Variants in GPR157 observed in about 807,000 individuals in gnomAD.
The protein encoded by GPR157 is G protein-coupled receptor 157, also known as G-protein coupled receptor 157.
GPR157 carries 16 observed loss-of-function variants against 23.5 expected under a neutral mutation model. That is an observed-to-expected ratio of 0.68 (90% CI 0.46 to 1.04). The LOEUF is 1.04. Ranked by LOEUF, GPR157 falls within the 50% of genes least tolerant of loss-of-function variation. GPR157 has a pLI of 0.00. For synonymous variants in GPR157, 200 were observed against 221.5 expected (o/e 0.90, Z 0.86); for missense variants, 440 against 460.7 (o/e 0.96, Z 0.41).
chr1:9,117,200 A>G (rs1036398009), intron 1 of GPR157, among the ~76,000 whole-genome samples: 3 of 152,128 alleles, frequency 2.0e-5, no homozygotes, highest in African/African-American at 7.2e-5. Flanking sequence ...CAGCTCACAA[A>G]ATTCCCTAAA....
At chr1:9,119,188 A>G (rs1324756047) in intron 1 of GPR157, among the ~76,000 whole-genome samples, 4 of 152,016 alleles carry the variant, frequency 2.6e-5, no homozygotes, top group Admixed American at 2.6e-4. Context: ...ATCCACCATT[A>G]CACCCAGCTA....
chr1:9,105,283 C>G lies in GPR157; in HGVS notation c.792+203G>C, dbSNP rs1310345658. 2.6e-5 allele frequency among the ~76,000 whole-genome samples: 4 copies of G among 152,140 alleles called. No homozygotes were observed. Among genetic ancestry groups the G allele is most frequent in the Non-Finnish European group, 4.4e-5 (3 of 68,026 alleles). On this transcript the variant is annotated intron_variant, in intron 3 of 3. Transcript: ENST00000377411. The surrounding 1 kb of genome is among the most constrained non-coding windows in gnomAD (Gnocchi z 4.8). ...GGTCACTGGTGAGCACCTCACCACC[C>G]CGGACCACACTGATCCCACTCTGCC...
chr1:9,124,950 C>T (rs1638933500), intron 1 of GPR157, among the ~76,000 whole-genome samples: 1 of 152,148 alleles, frequency 6.6e-6, no homozygotes, highest in Non-Finnish European at 1.5e-5. Flanking sequence ...TACCCCCGCC[C>T]TCACTAAACT....
rs1639014094 is a variant in GPR157, at chr1:9,128,500, C to T, written c.383+145G>A. On this transcript the variant is annotated intron_variant, in intron 1 of 3. Coordinates refer to ENST00000377411, the MANE Select transcript of GPR157 (RefSeq NM_024980.5). This position sits in a 1 kb window ranked among gnomAD's most constrained non-coding sequence, Gnocchi z 6.3. ...GGCAAGGCTGGCCTCCTCCCGCTGG[C>T]CCAGGACAGCCTCGGGGGCGCCAGC... 1 of 794,326 alleles carries T rather than the reference C, an allele frequency of 1.3e-6. No homozygotes were observed. The highest frequency in any genetic ancestry group is 2.1e-6 in the Non-Finnish European group (1 of 482,002). The allele number at this position is 794,326 out of a possible 1,614,324, so 49.2% of individuals were successfully genotyped here.
chr1:9,119,346 C>CA (rs1286725453), intron 1 of GPR157, among the ~76,000 whole-genome samples: 1 of 151,806 alleles, frequency 6.6e-6, no homozygotes, highest in Non-Finnish European at 1.5e-5. Flanking sequence ...ACTCTGTCTT[C>CA]AAAAAAACAA....
In GPR157 at chr1:9,120,574, G is replaced by A. The variant is rs1454940460; in HGVS notation, c.383+8071C>T. Among the ~76,000 whole-genome samples, 1 of 152,198 alleles carries A rather than the reference G, an allele frequency of 6.6e-6. No individual in the cohort carries two copies. Among genetic ancestry groups the A allele is most frequent in the Non-Finnish European group, 1.5e-5 (1 of 68,046 alleles). On this transcript the variant is annotated intron_variant, in intron 1 of 3. Transcript: ENST00000377411. This position sits in a 1 kb window ranked among gnomAD's most constrained non-coding sequence, Gnocchi z 4.1. ...GGACACTTATTGTCCAGCTCCAGCG[G>A]CAGAAGGGTCAGGACTTGGGAGAAG...
In GPR157 at chr1:9,101,154, TCTC is replaced by T. The variant is rs1175287122; in HGVS notation, c.*3262_*3264del. 2 of 152,086 alleles carry T rather than the reference TCTC, an allele frequency of 1.3e-5. No homozygotes were observed. The highest frequency in any genetic ancestry group is 2.9e-5 in the Non-Finnish European group (2 of 68,090). 9.4% of individuals were successfully genotyped at this position (152,086 alleles called of 1,614,324 possible). ...CCTCTGCCTTCTGGGTTCAAGCAAT[TCTC>T]CTGCCTCAGCCTCCTGAGTAGCTGG... On this transcript the variant is annotated 3_prime_UTR_variant, in exon 4 of 4. Coordinates refer to ENST00000377411, the MANE Select transcript of GPR157 (RefSeq NM_024980.5).
chr1:9,111,004 G>C (rs1569955402), intron 2 of GPR157, among the ~76,000 whole-genome samples: 2 of 152,318 alleles, frequency 1.3e-5, no homozygotes, highest in South Asian at 2.1e-4. Flanking sequence ...GCCCCCACAG[G>C]CCCTTAATCG....
chr1:9,116,154 A>ATATATATATAATATTATATATAT (rs1638630387), intron 1 of GPR157, among the ~76,000 whole-genome samples: 19 of 40,732 alleles, frequency 4.7e-4, no homozygotes, highest in South Asian at 3.6e-3. Context: ...ATTATATTAT[A>ATATATATATAATATTATATATAT]TATATATATA....
rs1226690567 is a variant in GPR157 at position 9,103,183 on chromosome 1, G to A, written c.*1236C>T. 1 of 150,634 alleles carries A rather than the reference G, an allele frequency of 6.6e-6. No individual in the cohort carries two copies. Among genetic ancestry groups the A allele is most frequent in the Non-Finnish European group, 1.5e-5 (1 of 67,766 alleles). The allele number at this position is 150,634 out of a possible 1,614,324, so 9.3% of individuals were successfully genotyped here. ...GAAGAAATCGTATTTGTTTGTTTGA[G>A]ACCGAGTTTCACTCTTGTTGCCCAG... On this transcript the variant is annotated 3_prime_UTR_variant, in exon 4 of 4. Transcript: ENST00000377411.
chr1:9,112,244 C>A (rs1432500097), intron 1 of GPR157, among the ~76,000 whole-genome samples: 1 of 152,224 alleles, frequency 6.6e-6, no homozygotes, highest in Non-Finnish European at 1.5e-5. Flanking sequence ...AGTGCACACA[C>A]TGGGGGCTTA....
At position 9,101,491 on chromosome 1, in the gene GPR157, G is replaced by A. The variant is rs1061907; in HGVS notation, c.*2928C>T. ...GCTGTTTTCGAGGTCGATGGGCCAG[G>A]GGCCTGGGCTAAGGCACTTAGACAA... is the stretch of plus-strand genomic sequence containing the variant. On this transcript the variant is annotated 3_prime_UTR_variant, in exon 4 of 4. Coordinates refer to ENST00000377411, the MANE Select transcript of GPR157 (RefSeq NM_024980.5). 78,353 of 152,090 alleles carry A rather than the reference G, an allele frequency of 0.52. 20,513 individuals carry two copies. The highest frequency in any genetic ancestry group is 0.56 in the Admixed American group (8,570 of 15,278). The allele number at this position is 152,090 out of a possible 1,614,324, so 9.4% of individuals were successfully genotyped here.
intron 1 of GPR157, among the ~76,000 whole-genome samples, chr1:9,116,347 T>TA (rs1385580963): frequency 0.026 from 754 of 29,098 alleles, 162 homozygotes; most frequent in East Asian, 0.098. Flanking sequence ...AATTTATATA[T>TA]AATTATATAT....
At chr1:9,116,281 A>AT (rs373818819) in intron 1 of GPR157, among the ~76,000 whole-genome samples, 749 of 2,942 alleles carry the variant, frequency 0.25, 25 homozygotes, top group South Asian at 0.3. Context: ...AATTATATAT[A>AT]AATTATATAT....
Position 9,114,760 on chromosome 1 carries a change from T to A in GPR157, c.384-3271A>T, listed in dbSNP as rs1638598781. On this transcript the variant is annotated intron_variant, in intron 1 of 3. Transcript: ENST00000377411. Reference sequence around the variant, plus strand: ...CAGAGGGTTTTGAAAGGGTTAAGAATGTGGGTTTAAATTAGCCAGGCGTGG... The same window carrying A: ...CAGAGGGTTTTGAAAGGGTTAAGAAAGTGGGTTTAAATTAGCCAGGCGTGG... 2.6e-5 allele frequency among the ~76,000 whole-genome samples: 4 copies of A among 151,732 alleles called. No individual in the cohort carries two copies. In the South Asian group the frequency reaches 6.3e-4, roughly 24 times the overall value.
Position 9,120,727 on chromosome 1 carries a change from C to A in GPR157, c.383+7918G>T, listed in dbSNP as rs1638781002. On this transcript the variant is annotated intron_variant, in intron 1 of 3. Coordinates refer to ENST00000377411, the MANE Select transcript of GPR157 (RefSeq NM_024980.5). This position sits in a 1 kb window ranked among gnomAD's most constrained non-coding sequence, Gnocchi z 4.1. ...ATGCCCTAGTGCCACCGTCTGTAGCCCTCAGCTCAGGGATGGGCAGCCTGA... is the reference window on the plus strand; with the variant it reads ...ATGCCCTAGTGCCACCGTCTGTAGCACTCAGCTCAGGGATGGGCAGCCTGA... 6.6e-6 allele frequency among the ~76,000 whole-genome samples: 1 copy of A among 152,138 alleles called. No homozygotes were observed. Among genetic ancestry groups the A allele is most frequent in the African/African-American group, 2.4e-5 (1 of 41,428 alleles).
chr1:9,124,004 A>T (rs563188111), intron 1 of GPR157, among the ~76,000 whole-genome samples: 36 of 151,444 alleles, frequency 2.4e-4, no homozygotes, highest in African/African-American at 8.5e-4. Context: ...AATTTTTTAA[A>T]TTTTTTGTAG....
rs561804538 is a variant in GPR157, at chr1:9,116,474, T to A, written c.384-4985A>T. On this transcript the variant is annotated intron_variant, in intron 1 of 3. Transcript: ENST00000377411. ...AGCTTTGAGTATTTATGGCTTTTTT[T>A]TTTTATTTTATTATTCCCAGCACTT... is the stretch of plus-strand genomic sequence containing the variant. Among the ~76,000 whole-genome samples the A allele has an allele frequency of 4.1e-4, 56 of 136,666 alleles. 1 individual carries two copies. Among genetic ancestry groups the A allele is most frequent in the African/African-American group, 1.2e-3 (44 of 36,464 alleles). The allele number at this position is 136,666 out of a possible 152,430, so 89.7% of individuals were successfully genotyped here. A position where few individuals can be genotyped will look rare whatever the true frequency, so the allele number is the denominator to read the frequency against.
rs778088921 is a variant in GPR157, at chr1:9,128,853, G to A, written c.175C>T (p.Leu59Phe). The stretch of plus-strand genomic sequence containing the variant: ...CCGTAGAAGTAGGAGGCGGCCGAGA[G>A]CAGGTCGGCCAGCGACAGGAAGAGC... ...LLLFLSLADL[L>F]SAASYFYGVL... Residue 59 changes from leucine (L) to phenylalanine (F), a missense_variant, in exon 1 of 4, where the codon CTC becomes TTC. Physicochemically the swap from Leu to Phe is conservative, Grantham distance 22. Transcript: ENST00000377411. This position sits in a 1 kb window ranked among gnomAD's most constrained non-coding sequence, Gnocchi z 6.3. 1.3e-5 allele frequency: 21 copies of A among 1,591,894 alleles called. No homozygotes were observed. The highest frequency in any genetic ancestry group is 1.8e-5 in the Non-Finnish European group (21 of 1,170,108).
Sources: allele counts gnomAD v4.1 joint callset (sites outside exome capture counted in the v4.1 genomes callset), GRCh38; gene constraint gnomAD v4.1.1; non-coding constraint Gnocchi (gnomAD v3.1); transcripts MANE v1.5; gene names NCBI Gene and HGNC (gene_info 2026-07-23, HGNC 2026-07-21).